Variants in NPHP1 observed in about 807,000 individuals in gnomAD.
The protein encoded by NPHP1 is nephrocystin 1.
Under a neutral mutation model 90.4 loss-of-function variants are expected in NPHP1, and 70 were observed. The observed-to-expected ratio is 0.77, with a 90% CI of 0.64 to 0.95. The LOEUF is 0.95. Among genes scored for constraint, NPHP1 ranks in the 40% least tolerant of loss-of-function variants. The probability of loss-of-function intolerance (pLI) is 0.00; values close to 1 mark genes in which losing one functional copy is unlikely to be tolerated. For synonymous variants in NPHP1, 256 were observed against 271.7 expected (o/e 0.94, Z 0.57); for missense variants, 764 against 795.9 (o/e 0.96, Z 0.48).
At chr2:110,191,535 G>A (rs181177868) in intron 2 of NPHP1, among the ~76,000 whole-genome samples, 6 of 152,188 alleles carry the variant, frequency 3.9e-5, no homozygotes, top group Admixed American at 6.5e-5. Context: ...GGAGCCCACC[G>A]CAGCTCAAGG....
chr2:110,168,390 T>C (rs1392800709), intron 6 of NPHP1, 62 bp downstream of exon 6: 5 of 1,009,226 alleles, frequency 5.0e-6, no homozygotes, highest in Non-Finnish European at 7.8e-6. Context: ...CACAGCTAAA[T>C]GTTTTATTAA....
chr2:110,169,248 C>T (rs2104576051), intron 5 of NPHP1, among the ~76,000 whole-genome samples: 1 of 151,970 alleles, frequency 6.6e-6, no homozygotes, highest in Non-Finnish European at 1.5e-5. Context: ...TATTATTAAT[C>T]AGTTACTAAA....
intron 16 of NPHP1, among the ~76,000 whole-genome samples, chr2:110,133,353 A>C (rs1679927615): frequency 6.6e-6 from 1 of 152,168 alleles, no homozygotes; most frequent in African/African-American, 2.4e-5. Context: ...CAGAATATAT[A>C]ACAATTATAA....
intron 12 of NPHP1, among the ~76,000 whole-genome samples, chr2:110,148,791 A>G (rs149439106): frequency 1.3e-4 from 20 of 152,162 alleles, no homozygotes; most frequent in Non-Finnish European, 2.2e-4. Context: ...CTGAATACAC[A>G]TATTTGCTCA....
rs1685697527 is a variant in NPHP1, at chr2:110,203,319, G to A, written c.69+1581C>T. On this transcript the variant is annotated intron_variant, in intron 1 of 19. Transcript: ENST00000445609. ...CTGCCTATTGGGTACTGTGCTCACT[G>A]CTTGTGTGATAGGCTCATCTGTACC... Among the ~76,000 whole-genome samples, 4 of 152,178 alleles carry A rather than the reference G, an allele frequency of 2.6e-5. No individual in the cohort carries two copies. In the South Asian group the frequency reaches 8.3e-4, roughly 32 times the overall value.
chr2:110,185,796 G>A (rs1684242793), intron 2 of NPHP1, among the ~76,000 whole-genome samples: 1 of 152,114 alleles, frequency 6.6e-6, no homozygotes, highest in East Asian at 1.9e-4. Context: ...TGTTCACCAG[G>A]GAACAGGACC....
chr2:110,160,007 C>T, intron 11 of NPHP1, 120 bp downstream of exon 11: 1 of 1,028,420 alleles, frequency 9.7e-7, no homozygotes, highest in East Asian at 2.4e-5. Context: ...TCAAATTTTT[C>T]TTTGGTACTA....
intron 11 of NPHP1, among the ~76,000 whole-genome samples, chr2:110,151,710 T>A (rs978804417): frequency 6.6e-6 from 1 of 152,232 alleles, no homozygotes; most frequent in East Asian, 1.9e-4. Context: ...AAATTATGTA[T>A]ATTTACCACC....
intron 2 of NPHP1, chr2:110,185,066 T>G: frequency 1.7e-6 from 1 of 597,558 alleles, no homozygotes; most frequent in Non-Finnish European, 3.3e-6. Context: ...GAGACTGTAT[T>G]CCACGTGGAT....
At chr2:110,153,668 C>T (rs905701840) in intron 11 of NPHP1, among the ~76,000 whole-genome samples, 2 of 152,036 alleles carry the variant, frequency 1.3e-5, no homozygotes, top group African/African-American at 2.4e-5. Context: ...CTACAGATAA[C>T]TCAGAATGGA....
chr2:110,125,426 G>A (rs1679280711), intron 19 of NPHP1: 1 of 1,248,138 alleles, frequency 8.0e-7, no homozygotes, highest in Admixed American at 2.3e-5. Flanking sequence ...ATCTGAAATG[G>A]CTGTCTTGAA....
intron 2 of NPHP1, among the ~76,000 whole-genome samples, chr2:110,195,025 T>C (rs1361887332): frequency 6.6e-6 from 1 of 152,090 alleles, no homozygotes; most frequent in African/African-American, 2.4e-5. Flanking sequence ...ATAACAGCTA[T>C]CTAAGACAAA....
intron 16 of NPHP1, among the ~76,000 whole-genome samples, chr2:110,138,352 T>A (rs1680368730): frequency 6.6e-6 from 1 of 152,182 alleles, no homozygotes; most frequent in African/African-American, 2.4e-5. Flanking sequence ...AGAAGTATCC[T>A]TGACCACTCT....
chr2:110,125,232 C>T (rs1380558976), intron 19 of NPHP1: 1 of 1,535,404 alleles, frequency 6.5e-7, no homozygotes, highest in Non-Finnish European at 8.7e-7. Flanking sequence ...GATTTTATAG[C>T]AAGGTAAGCA....
intron 2 of NPHP1, chr2:110,184,555 C>G: frequency 1.5e-6 from 2 of 1,312,600 alleles, no homozygotes; most frequent in Non-Finnish European, 2.2e-6. Flanking sequence ...ATCACCCATG[C>G]TGTGCCCATC....
chr2:110,141,972 C>CAAAA (rs397934223), intron 16 of NPHP1, among the ~76,000 whole-genome samples: 1 of 94,268 alleles, frequency 1.1e-5, no homozygotes. Context: ...GACTCTGTCT[C>CAAAA]AAAAAAAAAA....
At chr2:110,128,704 G>A (rs890590483) in intron 18 of NPHP1, 2 of 183,668 alleles carry the variant, frequency 1.1e-5, no homozygotes, top group Non-Finnish European at 1.1e-5. Context: ...TGACCCTGAT[G>A]TATTAGGCTA....
At position 110,184,716 on chromosome 2, in the gene NPHP1, T is replaced by C. The variant is rs1488800966; in HGVS notation, c.144-5032A>G. On this transcript the variant is annotated intron_variant, in intron 2 of 19. Coordinates refer to ENST00000445609, the MANE Select transcript of NPHP1 (RefSeq NM_001128178.3). ...CACTCATCCTTTGAGTTTGAGATTG[T>C]CAAGGCCATAAAAGAAAGACCCTCC... The C allele has an allele frequency of 4.9e-5, 35 of 721,322 alleles. No homozygotes were observed. The Admixed American group carries it at 6.3e-4, about 13-fold the overall frequency. 44.7% of individuals were successfully genotyped at this position (721,322 alleles called of 1,614,324 possible). A position where few individuals can be genotyped will look rare whatever the true frequency, so the allele number is the denominator to read the frequency against.
chr2:110,143,793 A>ACCT (rs1396747194), intron 15 of NPHP1, 152 bp from the exon 16 acceptor site: 1 of 650,502 alleles, frequency 1.5e-6, no homozygotes, highest in Non-Finnish European at 2.8e-6. Flanking sequence ...GAGCTGAGAG[A>ACCT]CCTCCCTAAG....
Sources: allele counts gnomAD v4.1 joint callset (sites outside exome capture counted in the v4.1 genomes callset), GRCh38; gene constraint gnomAD v4.1.1; transcripts MANE v1.5; gene names NCBI Gene and HGNC (gene_info 2026-07-23, HGNC 2026-07-21).